The following PDCL3 variants were observed in gnomAD, a reference collection of about 807,000 sequenced individuals.
PDCL3 encodes phosducin like 3, also known as phosducin-like protein 3.
A neutral mutation model predicts 26.5 loss-of-function variants in PDCL3; 22 were observed. That is an observed-to-expected ratio of 0.83 (90% confidence interval 0.59 to 1.19). The LOEUF (loss-of-function observed/expected upper bound fraction) is 1.19, where lower values mean the gene tolerates loss of function less well. PDCL3 is among the 50% of genes most tolerant of loss of function. The probability of loss-of-function intolerance (pLI) is 0.00; values close to 1 mark genes in which losing one functional copy is unlikely to be tolerated. For missense variants in PDCL3, 246 were observed against 294.1 expected (o/e 0.84, Z 1.20); for synonymous variants, 81 against 104.9 (o/e 0.77, Z 1.39).
chr2:100,569,832 C>A, intron 4 of PDCL3, 111 bp downstream of exon 4: 1 of 1,243,936 alleles, frequency 8.0e-7, no homozygotes, highest in Non-Finnish European at 1.1e-6. Context: ...CTGGGCCAGG[C>A]GCAGTAGCTC....
At position 100,569,090 on chromosome 2, in the gene PDCL3, C is replaced by A; in HGVS notation, c.224+69C>A. On this transcript the variant is annotated intron_variant, in intron 3 of 5. Coordinates refer to ENST00000264254, the MANE Select transcript of PDCL3 (RefSeq NM_024065.5). ...TGTTTTGTTTTGGTTTTTTTTTTGGCGTGGCAATAAAATGTGTGGGCTGAG... is the reference window on the plus strand; with the variant it reads ...TGTTTTGTTTTGGTTTTTTTTTTGGAGTGGCAATAAAATGTGTGGGCTGAG... 4.5e-6 allele frequency: 6 copies of A among 1,343,996 alleles called. 1 individual carries two copies. The South Asian group carries it at 6.2e-5, about 14-fold the overall frequency. 83.3% of individuals were successfully genotyped at this position (1,343,996 alleles called of 1,614,324 possible).
chr2:100,571,279 C>T (rs1203767484), intron 4 of PDCL3, among the ~76,000 whole-genome samples: 1 of 151,816 alleles, frequency 6.6e-6, no homozygotes, highest in Middle Eastern at 3.2e-3. Context: ...GAACTCCTGA[C>T]CTCATGATCT....
chr2:100,566,351 G>A lies in PDCL3; in HGVS notation c.7-152G>A, dbSNP rs1309874544. The A allele has an allele frequency of 6.8e-6, 7 of 1,024,402 alleles. No homozygotes were observed. In the East Asian group the frequency reaches 7.8e-5, roughly 11 times the overall value. 63.5% of individuals were successfully genotyped at this position (1,024,402 alleles called of 1,614,324 possible). A position where few individuals can be genotyped will look rare whatever the true frequency, so the allele number is the denominator to read the frequency against. On this transcript the variant is annotated intron_variant, in intron 1 of 5. Coordinates refer to ENST00000264254, the MANE Select transcript of PDCL3 (RefSeq NM_024065.5). ...GGTAGACAGGAAAAACAAAACGGGG[G>A]CTATGGATCTTTTGACACTTTCTCA...
In PDCL3 at chr2:100,574,883, C is replaced by T. The variant is rs1573284555; in HGVS notation, c.578-1471C>T. Among the ~76,000 whole-genome samples the T allele has an allele frequency of 2.0e-5, 3 of 152,288 alleles. No homozygotes were observed. In the South Asian group the frequency reaches 6.2e-4, roughly 32 times the overall value. On this transcript the variant is annotated intron_variant, in intron 5 of 5. Coordinates refer to ENST00000264254, the MANE Select transcript of PDCL3 (RefSeq NM_024065.5). ...TTGGGAAGCTAAGGCTGGAGGATTG[C>T]ATGAGGCCAGGAGTTTGAGACCAGC...
Position 100,563,011 on chromosome 2 carries a change from G to A in PDCL3, c.-57G>A. On this transcript the variant is annotated 5_prime_UTR_variant, in exon 1 of 6. Transcript: ENST00000264254. ...GCGCTGTGCGCGTGCACAAAAGAGA[G>A]CTGAGGGGCGGGGGCGCTGCGGCAC... 1.9e-6 allele frequency: 3 copies of A among 1,578,356 alleles called. No homozygotes were observed. Among genetic ancestry groups the A allele is most frequent in the Admixed American group, 1.8e-5 (1 of 54,054 alleles).
intron 5 of PDCL3, among the ~76,000 whole-genome samples, chr2:100,574,471 G>T (rs1430094093): frequency 6.6e-6 from 1 of 151,516 alleles, no homozygotes; most frequent in Non-Finnish European, 1.5e-5. Context: ...CATGACTGAG[G>T]TATGATGACC....
At chr2:100,564,101 C>T (rs1276000745) in intron 1 of PDCL3, among the ~76,000 whole-genome samples, 1 of 151,488 alleles carries the variant, frequency 6.6e-6, no homozygotes, top group African/African-American at 2.4e-5. Context: ...GATGGGGTCT[C>T]CCTATGTTGC....
At chr2:100,571,126 A>AAAAACAACAAAAAAAAAAAAC (rs1553417819) in intron 4 of PDCL3, among the ~76,000 whole-genome samples, 1 of 142,658 alleles carries the variant, frequency 7.0e-6, no homozygotes, top group African/African-American at 2.7e-5. Flanking sequence ...AAAAAAAAAA[A>AAAAACAACAAAAAAAAAAAAC]AAAAAATCAG....
chr2:100,569,929 AC>A (rs1485023008), intron 4 of PDCL3, among the ~76,000 whole-genome samples: 1 of 152,058 alleles, frequency 6.6e-6, no homozygotes, highest in Non-Finnish European at 1.5e-5. Flanking sequence ...ACACGATGAA[AC>A]CCCGTCTCTA....
chr2:100,563,906 C>T (rs1427115244), intron 1 of PDCL3, among the ~76,000 whole-genome samples: 1 of 139,662 alleles, frequency 7.2e-6, no homozygotes, highest in East Asian at 2.6e-4. Context: ...CTGCCAGGAG[C>T]CAGACACTGT....
intron 5 of PDCL3, among the ~76,000 whole-genome samples, chr2:100,575,302 A>G (rs952418846): frequency 1.3e-5 from 2 of 152,048 alleles, no homozygotes; most frequent in South Asian, 4.2e-4. Context: ...TGCCTGGCTA[A>G]TTTTTTGTAT....
Position 100,566,356 on chromosome 2 carries a change from G to A in PDCL3, c.7-147G>A, listed in dbSNP as rs1675059061. ...ACAGGAAAAACAAAACGGGGGCTAT[G>A]GATCTTTTGACACTTTCTCAGAAAT... On this transcript the variant is annotated intron_variant, in intron 1 of 5. Coordinates refer to ENST00000264254, the MANE Select transcript of PDCL3 (RefSeq NM_024065.5). 2.8e-6 allele frequency: 3 copies of A among 1,081,206 alleles called. No individual in the cohort carries two copies. The East Asian group carries it at 7.6e-5, about 27-fold the overall frequency. The allele number at this position is 1,081,206 out of a possible 1,614,324, so 67.0% of individuals were successfully genotyped here. A position where few individuals can be genotyped will look rare whatever the true frequency, so the allele number is the denominator to read the frequency against.
intron 5 of PDCL3, among the ~76,000 whole-genome samples, chr2:100,572,784 G>T (rs1558698598): frequency 6.6e-6 from 1 of 152,116 alleles, no homozygotes; most frequent in Non-Finnish European, 1.5e-5. Flanking sequence ...CTCCCAAAGT[G>T]CTGGGATTAC....
At chr2:100,563,342 G>A in intron 1 of PDCL3, 1 of 440,338 alleles carries the variant, frequency 2.3e-6, no homozygotes, top group Admixed American at 4.5e-5. Flanking sequence ...CTACCCACCC[G>A]GGCCTGTGAA....
rs145159192 is a variant in PDCL3, at chr2:100,564,805, A to G, written c.7-1698A>G. 9.0e-4 allele frequency among the ~76,000 whole-genome samples: 137 copies of G among 152,300 alleles called. 1 individual carries two copies. The highest frequency in any genetic ancestry group is 3.1e-3 in the African/African-American group (130 of 41,560). ...CACTTTTACATCAGTCTTTGTGACA[A>G]TGATCCTTTGTGATTTTGATGCTGG... On this transcript the variant is annotated intron_variant, in intron 1 of 5. Coordinates refer to ENST00000264254, the MANE Select transcript of PDCL3 (RefSeq NM_024065.5).
intron 2 of PDCL3, 105 bp from the exon 3 acceptor site, chr2:100,568,826 G>C: frequency 1.2e-6 from 1 of 861,876 alleles, no homozygotes; most frequent in Non-Finnish European, 1.9e-6. Flanking sequence ...CTAAGGATCT[G>C]GTGTTGTGTG....
intron 2 of PDCL3, among the ~76,000 whole-genome samples, chr2:100,567,922 A>G (rs924206197): frequency 3.3e-5 from 5 of 151,720 alleles, no homozygotes; most frequent in African/African-American, 1.2e-4. Context: ...TCCCAGGTTC[A>G]AGCGATTCTC....
intron 5 of PDCL3, among the ~76,000 whole-genome samples, chr2:100,574,734 C>T (rs1249748730): frequency 6.6e-6 from 1 of 152,198 alleles, no homozygotes; most frequent in African/African-American, 2.4e-5. Flanking sequence ...TATCCTTGGC[C>T]AACATCTCCC....
intron 4 of PDCL3, among the ~76,000 whole-genome samples, chr2:100,571,369 G>A (rs1242478859): frequency 4.7e-5 from 7 of 147,578 alleles, no homozygotes; most frequent in Admixed American, 4.7e-4. Flanking sequence ...GGGCTGAGGT[G>A]GGAGCATTGC....
Sources: allele counts gnomAD v4.1 joint callset (sites outside exome capture counted in the v4.1 genomes callset), GRCh38; gene constraint gnomAD v4.1.1; transcripts MANE v1.5; gene names NCBI Gene and HGNC (gene_info 2026-07-23, HGNC 2026-07-21).